The following RTL4 variants were observed in gnomAD, a reference collection of about 807,000 sequenced individuals.
The protein encoded by RTL4 is retrotransposon Gag-like protein 4.
RTL4 carries 4 observed loss-of-function variants against 5.3 expected under a neutral mutation model. The observed-to-expected ratio is 0.75, with a 90% CI of 0.37 to 1.72. The LOEUF is 1.72. Among genes scored for constraint, RTL4 ranks in the 40% most tolerant of loss-of-function variants. The pLI, the probability that RTL4 is intolerant of heterozygous loss-of-function variation, is 0.04. For synonymous variants in RTL4, 98 were observed against 87.3 expected (o/e 1.12, Z -0.68); for missense variants, 260 against 227.1 (o/e 1.14, Z -0.93).
the RTL4 span, among the ~76,000 whole-genome samples, chrX:112,186,514 T>C: frequency 4.5e-5 from 5 of 112,131 alleles, no homozygotes; most frequent in Non-Finnish European, 7.5e-5. Context: ...GTGGAGCTTA[T>C]GAAATATTGT....
chrX:112,405,137 A>T, the RTL4 span, among the ~76,000 whole-genome samples: 1 of 111,832 alleles, frequency 8.9e-6, no homozygotes, highest in Non-Finnish European at 1.9e-5. Context: ...TTATCTGGAC[A>T]AACATTTAAA....
chrX:112,227,289 T>G, the RTL4 span, among the ~76,000 whole-genome samples: 1 of 111,914 alleles, frequency 8.9e-6, no homozygotes, highest in Non-Finnish European at 1.9e-5. Context: ...AGGGATGAGG[T>G]TGGGATTGAG....
chrX:112,316,725 T>A, the RTL4 span, among the ~76,000 whole-genome samples: 1 of 112,084 alleles, frequency 8.9e-6, no homozygotes, highest in Admixed American at 9.5e-5. Context: ...ATAGTCCACA[T>A]CCTTCCCTCC....
the RTL4 span, among the ~76,000 whole-genome samples, chrX:112,295,418 T>C: frequency 3.0e-4 from 34 of 112,274 alleles, no homozygotes; most frequent in Non-Finnish European, 3.4e-4. Flanking sequence ...GAAATCTGCT[T>C]CTCTTCTCTT....
the RTL4 span, among the ~76,000 whole-genome samples, chrX:112,229,637 C>T: frequency 8.9e-6 from 1 of 112,084 alleles, no homozygotes; most frequent in Non-Finnish European, 1.9e-5. Context: ...TACACTAACA[C>T]TAAAGATAAT....
the RTL4 span, among the ~76,000 whole-genome samples, chrX:112,100,266 G>T: frequency 8.9e-6 from 1 of 112,029 alleles, no homozygotes; most frequent in Non-Finnish European, 1.9e-5. Context: ...GATTGCATCT[G>T]TTTGAAATTT....
chrX:112,410,107 G>A, the RTL4 span, among the ~76,000 whole-genome samples: 1 of 111,598 alleles, frequency 9.0e-6, no homozygotes, highest in Non-Finnish European at 1.9e-5. Flanking sequence ...ATAGACTTTA[G>A]AACAAAAAAC....
chrX:112,407,276 T>C, the RTL4 span, among the ~76,000 whole-genome samples: 1 of 110,935 alleles, frequency 9.0e-6, no homozygotes, highest in East Asian at 2.9e-4. Flanking sequence ...AGCCCAGTGC[T>C]CTGAAGGGGA....
chrX:112,209,091 G>A, the RTL4 span, among the ~76,000 whole-genome samples: 3 of 112,002 alleles, frequency 2.7e-5, no homozygotes, highest in African/African-American at 6.5e-5. Context: ...ACTGAGTGGT[G>A]TCCATAGAAT....
At chrX:112,404,624 G>A in the RTL4 span, among the ~76,000 whole-genome samples, 1 of 112,466 alleles carries the variant, frequency 8.9e-6, no homozygotes, top group African/African-American at 3.2e-5. Flanking sequence ...TTTCAAGACA[G>A]AATATTTGTT....
the RTL4 span, among the ~76,000 whole-genome samples, chrX:112,196,057 G>T: frequency 4.8e-4 from 53 of 111,413 alleles, no homozygotes; most frequent in Middle Eastern, 4.6e-3. Context: ...CCAGGATATT[G>T]ATAGGGATAC....
the RTL4 span, among the ~76,000 whole-genome samples, chrX:112,220,708 G>C: frequency 8.9e-6 from 1 of 112,240 alleles, no homozygotes; most frequent in Non-Finnish European, 1.9e-5. Flanking sequence ...AAGTTCCACA[G>C]ATCTCTAGGG....
chrX:112,365,482 C>T, the RTL4 span, among the ~76,000 whole-genome samples: 1 of 111,207 alleles, frequency 9.0e-6, no homozygotes, highest in Non-Finnish European at 1.9e-5. Flanking sequence ...AAGAGAGACT[C>T]AGTTATGTAA....
the RTL4 span, among the ~76,000 whole-genome samples, chrX:112,442,194 C>A: frequency 9.1e-6 from 1 of 110,167 alleles, no homozygotes; most frequent in African/African-American, 3.3e-5. Flanking sequence ...TGGTGTCGGT[C>A]ACCCAGATGT....
chrX:112,124,681 G>T, the RTL4 span, among the ~76,000 whole-genome samples: 1 of 97,219 alleles, frequency 1.0e-5, no homozygotes, highest in African/African-American at 4.7e-5. Context: ...TGTTGGGGGG[G>T]AGGGGATTTG....
the RTL4 span, among the ~76,000 whole-genome samples, chrX:112,300,682 A>G: frequency 2.8e-4 from 32 of 112,500 alleles, no homozygotes; most frequent in Non-Finnish European, 4.9e-4. Flanking sequence ...CAATAAATGT[A>G]CATGGCCTTA....
the RTL4 span, among the ~76,000 whole-genome samples, chrX:112,381,089 C>T: frequency 3.6e-5 from 4 of 111,306 alleles, no homozygotes; most frequent in African/African-American, 9.8e-5. Flanking sequence ...GGTTGCTGGG[C>T]AGCACCGAGA....
the RTL4 span, among the ~76,000 whole-genome samples, chrX:112,117,612 C>A: frequency 3.6e-5 from 4 of 110,667 alleles, no homozygotes; most frequent in African/African-American, 1.3e-4. Flanking sequence ...AAATGTTCAA[C>A]CTTACTTGAA....
chrX:112,101,167 T>A, the RTL4 span, among the ~76,000 whole-genome samples: 1 of 111,748 alleles, frequency 8.9e-6, no homozygotes, highest in Non-Finnish European at 1.9e-5. Flanking sequence ...GCAGAAATAG[T>A]TTAGGCCATA....
Sources: allele counts gnomAD v4.1 joint callset (sites outside exome capture counted in the v4.1 genomes callset), GRCh38; gene constraint gnomAD v4.1.1; transcripts MANE v1.5; gene names NCBI Gene and HGNC (gene_info 2026-07-23, HGNC 2026-07-21).